KIR2DL1: variants seen among roughly 807,000 people sequenced by gnomAD.
KIR2DL1 encodes the protein killer cell immunoglobulin like receptor, two Ig domains and long cytoplasmic tail 1, also known as killer cell immunoglobulin-like receptor 2DL1.
KIR2DL1 carries 38 observed loss-of-function variants against 33.9 expected under a neutral mutation model. The ratio of observed to expected loss-of-function variants is 1.12; its 90% CI spans 0.86 to 1.47. The LOEUF is 1.47. KIR2DL1 is among the 40% of genes most tolerant of loss of function. The pLI, the probability that KIR2DL1 is intolerant of heterozygous loss-of-function variation, is 0.00. For missense variants in KIR2DL1, 531 were observed against 433.9 expected (o/e 1.22, Z -1.99); for synonymous variants, 179 against 165.9 (o/e 1.08, Z -0.61).
rs750764015 is a variant in KIR2DL1, at chr19:54,769,800, G to A, written c.-51G>A. 2.6e-6 allele frequency: 4 copies of A among 1,555,336 alleles called. No individual in the cohort carries two copies. The East Asian group carries it at 9.0e-5, about 35-fold the overall frequency. On this transcript the variant is annotated 5_prime_UTR_variant, in exon 1 of 8. Coordinates refer to ENST00000336077, the MANE Select transcript of KIR2DL1 (RefSeq NM_014218.3). The stretch of plus-strand genomic sequence containing the variant: ...GGCAGGGCGCCAAATAACATCCTGT[G>A]CGCTGCTGAGCTGAGCTCGGTCGCG...
intron 4 of KIR2DL1, 137 bp downstream of exon 4, chr19:54,775,595 C>T: frequency 2.4e-6 from 3 of 1,236,184 alleles, no homozygotes; most frequent in Non-Finnish European, 3.4e-6. Flanking sequence ...GATCAGGGCA[C>T]AGGATGGCCG....
At chr19:54,781,345 G>A (rs1438098912) in intron 5 of KIR2DL1, among the ~76,000 whole-genome samples, 11 of 149,830 alleles carry the variant, frequency 7.3e-5, no homozygotes, top group Non-Finnish European at 1.5e-4. Context: ...CTTTCTGTGA[G>A]CATGAGATCA....
In KIR2DL1 at chr19:54,783,764, C is replaced by G; in HGVS notation, c.998C>G (p.Thr333Arg). ...KTPPTDIIVY[T>R]ELPNAESRSK... ...CCCCCAACAGATATCATCGTGTACACGGAACTTCCAAATGCTGAGTCCAGA... is the reference window on the plus strand; with the variant it reads ...CCCCCAACAGATATCATCGTGTACAGGGAACTTCCAAATGCTGAGTCCAGA... The change falls in exon 8 of 8, where the codon ACG (threonine) becomes AGG (arginine). Residue 333 changes from threonine (T) to arginine (R), a missense_variant. Transcript: ENST00000336077. 2 of 1,613,450 alleles carry G rather than the reference C, an allele frequency of 1.2e-6. No homozygotes were observed. Among genetic ancestry groups the G allele is most frequent in the African/African-American group, 1.3e-5 (1 of 74,964 alleles).
chr19:54,774,575 T>C, intron 3 of KIR2DL1, among the ~76,000 whole-genome samples: 1 of 147,792 alleles, frequency 6.8e-6, no homozygotes, highest in Non-Finnish European at 1.5e-5. Flanking sequence ...ACATAGATGA[T>C]GATTGATTGA....
At chr19:54,775,910 G>C (rs1248882843) in intron 4 of KIR2DL1, among the ~76,000 whole-genome samples, 1 of 135,308 alleles carries the variant, frequency 7.4e-6, no homozygotes, top group South Asian at 2.4e-4. Context: ...ATTTTTTTTT[G>C]AGGTGGAGTC....
chr19:54,776,796 A>G (rs1171414833), intron 4 of KIR2DL1, among the ~76,000 whole-genome samples: 2 of 146,730 alleles, frequency 1.4e-5, no homozygotes, highest in African/African-American at 5.0e-5. Context: ...GCACACCACC[A>G]TGCCTGGCTA....
chr19:54,773,070 G>C (rs113958611), intron 2 of KIR2DL1, among the ~76,000 whole-genome samples: 2 of 143,868 alleles, frequency 1.4e-5, no homozygotes, highest in African/African-American at 5.1e-5. Context: ...ACATTAGTTC[G>C]AAATAGATAC....
chr19:54,775,626 C>G lies in KIR2DL1; in HGVS notation c.664+168C>G, dbSNP rs2076239547. 2.0e-5 allele frequency among the ~76,000 whole-genome samples: 3 copies of G among 148,730 alleles called. 1 individual carries two copies. In the South Asian group the frequency reaches 6.3e-4, roughly 31 times the overall value. On this transcript the variant is annotated intron_variant, in intron 4 of 7. Transcript: ENST00000336077. ...GGCCGACAGGGCACCTCCAAACCCTCCTACATGGCCTGCATGGAGGCCCAC... is the reference window on the plus strand; with the variant it reads ...GGCCGACAGGGCACCTCCAAACCCTGCTACATGGCCTGCATGGAGGCCCAC...
rs141385481 is a variant in KIR2DL1, at chr19:54,773,621, T to C, written c.359T>C (p.Ile120Thr). Residue 120 changes from isoleucine to threonine, a missense_variant, in exon 3 of 8, where the codon ATC (isoleucine) becomes ACC (threonine). Coordinates refer to ENST00000336077, the MANE Select transcript of KIR2DL1 (RefSeq NM_014218.3). ...TCAGCTCCCAGTGACCCTCTGGACATCGTGATCATAGGTGAGAGTGTCCAG... is the reference window on the plus strand; with the variant it reads ...TCAGCTCCCAGTGACCCTCTGGACACCGTGATCATAGGTGAGAGTGTCCAG... ...QVSAPSDPLDIVIIGLYEKPS... is the reference protein window; with the variant it reads ...QVSAPSDPLDTVIIGLYEKPS... 9 of 1,573,982 alleles carry C rather than the reference T, an allele frequency of 5.7e-6. 1 individual carries two copies. The highest frequency in any genetic ancestry group is 7.8e-6 in the Non-Finnish European group (9 of 1,148,998).
rs1240597199 is a variant in KIR2DL1, at chr19:54,771,825, G to A, written c.70+941G>A. Among the ~76,000 whole-genome samples the A allele has an allele frequency of 3.4e-5, 5 of 147,870 alleles. 1 individual carries two copies. The highest frequency in any genetic ancestry group is 2.1e-4 in the South Asian group (1 of 4,676). ...GCACACGCAGGGACCTATACATGTC[G>A]GGGTTCACAACCACACTACCCCAGT... is the stretch of plus-strand genomic sequence containing the variant. On this transcript the variant is annotated intron_variant, in intron 2 of 7. Transcript: ENST00000336077.
intron 2 of KIR2DL1, among the ~76,000 whole-genome samples, chr19:54,771,229 G>T (rs1330607173): frequency 6.8e-6 from 1 of 147,332 alleles, no homozygotes; most frequent in South Asian, 2.1e-4. Context: ...GAAGAGGTGG[G>T]AAAACCACAG....
chr19:54,777,889 A>C (rs113705178), intron 4 of KIR2DL1, among the ~76,000 whole-genome samples: 6,661 of 115,018 alleles, frequency 0.058, 11 homozygotes, highest in South Asian at 0.1. Context: ...CTCTGCATGT[A>C]GATGTCCAGG....
chr19:54,772,609 G>T lies in KIR2DL1; in HGVS notation c.71-724G>T, dbSNP rs1600716713. Reference sequence around the variant, plus strand: ...AATCCTAGCGACTTGGGAGGCTGAGGGCAGGAGAATCACTTGAACCCAGGA... The same window carrying T: ...AATCCTAGCGACTTGGGAGGCTGAGTGCAGGAGAATCACTTGAACCCAGGA... On this transcript the variant is annotated intron_variant, in intron 2 of 7. Transcript: ENST00000336077. Among the ~76,000 whole-genome samples, 2 of 145,966 alleles carry T rather than the reference G, an allele frequency of 1.4e-5. 1 individual carries two copies. Among genetic ancestry groups the T allele is most frequent in the Non-Finnish European group, 3.1e-5 (2 of 65,548 alleles).
intron 4 of KIR2DL1, among the ~76,000 whole-genome samples, chr19:54,776,179 C>T (rs1335583264): frequency 7.0e-6 from 1 of 142,620 alleles, no homozygotes; most frequent in African/African-American, 2.6e-5. Flanking sequence ...CATGGGCCAC[C>T]AGGCCCAGCC....
chr19:54,775,759 A>G lies in KIR2DL1; in HGVS notation c.664+301A>G, dbSNP rs1184095195. Reference sequence around the variant, plus strand: ...GATCAGAGGTTCCCTCAGCCCCTCAACCTTACCCATTTCCCAGAAGCCCAT... The same window carrying G: ...GATCAGAGGTTCCCTCAGCCCCTCAGCCTTACCCATTTCCCAGAAGCCCAT... On this transcript the variant is annotated intron_variant, in intron 4 of 7. Coordinates refer to ENST00000336077, the MANE Select transcript of KIR2DL1 (RefSeq NM_014218.3). Among the ~76,000 whole-genome samples the G allele has an allele frequency of 2.7e-5, 4 of 148,714 alleles. 1 individual carries two copies. Among genetic ancestry groups the G allele is most frequent in the Non-Finnish European group, 6.0e-5 (4 of 66,188 alleles).
At position 54,778,673 on chromosome 19, in the gene KIR2DL1, A is replaced by G. The variant is rs544969953; in HGVS notation, c.715+11A>G. 4.6e-6 allele frequency: 7 copies of G among 1,527,778 alleles called. 1 individual carries two copies. The highest frequency in any genetic ancestry group is 2.3e-5 in the South Asian group (2 of 86,082). 94.6% of individuals were successfully genotyped at this position (1,527,778 alleles called of 1,614,324 possible). A position where few individuals can be genotyped will look rare whatever the true frequency, so the allele number is the denominator to read the frequency against. ...CAAGCTCCAAAACCGGTGAGTACAG[A>G]ACCCTCTTATATCCGCTTTTGGAAC... On this transcript the variant is annotated intron_variant, in intron 5 of 7. Coordinates refer to ENST00000336077, the MANE Select transcript of KIR2DL1 (RefSeq NM_014218.3).
At chr19:54,783,122 G>C in intron 6 of KIR2DL1, 99 bp downstream of exon 6, 1 of 1,391,208 alleles carries the variant, frequency 7.2e-7, no homozygotes, top group South Asian at 1.2e-5. Context: ...GATGGTCCCT[G>C]GCCCAAGGCA....
intron 1 of KIR2DL1, among the ~76,000 whole-genome samples, 163 bp downstream of exon 1, chr19:54,770,047 A>G (rs1317889168): frequency 1.4e-5 from 2 of 138,960 alleles, no homozygotes; most frequent in Non-Finnish European, 3.1e-5. Context: ...AGAAGTGGAG[A>G]TCTGGGCCCA....
intron 2 of KIR2DL1, among the ~76,000 whole-genome samples, chr19:54,773,095 T>G (rs1204143487): frequency 6.8e-6 from 1 of 147,944 alleles, no homozygotes; most frequent in Non-Finnish European, 1.5e-5. Flanking sequence ...GCCCAAGAGA[T>G]GAGGCTGAGC....
Sources: gnomAD v4.1 joint callset for allele counts (sites outside exome capture counted in the v4.1 genomes callset) on GRCh38, gnomAD v4.1.1 for gene constraint, MANE v1.5 for transcripts, NCBI Gene and HGNC (gene_info 2026-07-23, HGNC 2026-07-21) for gene names.